The following CSMD1 variants were observed in gnomAD, a reference collection of about 807,000 sequenced individuals.
The protein encoded by CSMD1 is CUB and Sushi multiple domains 1.
Under a neutral mutation model 417.5 loss-of-function variants are expected in CSMD1, and 213 were observed. The observed-to-expected ratio is 0.51, with a 90% confidence interval of 0.46 to 0.57. CSMD1 has a LOEUF of 0.57. CSMD1 is among the 20% of genes least tolerant of loss of function. The pLI is 0.00. For missense variants in CSMD1, 6,923 were observed against 4,529.7 expected (o/e 1.53, Z -15.17); for synonymous variants, 2,862 against 1,736.8 (o/e 1.65, Z -16.11).
chr8:4,329,872 AC>A (rs1799771466), intron 3 of CSMD1, among the ~76,000 whole-genome samples: 1 of 151,334 alleles, frequency 6.6e-6, no homozygotes, highest in East Asian at 2.0e-4. Flanking sequence ...ACACACACAC[AC>A]AGACACACAC....
At chr8:4,461,566 T>G (rs1799821202) in intron 2 of CSMD1, among the ~76,000 whole-genome samples, 5 of 144,784 alleles carry the variant, frequency 3.5e-5, no homozygotes, top group Non-Finnish European at 6.0e-5. Context: ...GGGGGTGGGG[T>G]GTTGGGGGAT....
chr8:3,502,007 C>G (rs533877369), intron 10 of CSMD1, among the ~76,000 whole-genome samples: 1 of 152,068 alleles, frequency 6.6e-6, no homozygotes. Flanking sequence ...TTGGAAGATA[C>G]TTTGGAAGCT....
chr8:3,751,678 T>G (rs962766713), intron 6 of CSMD1, among the ~76,000 whole-genome samples: 1 of 151,970 alleles, frequency 6.6e-6, no homozygotes, highest in Non-Finnish European at 1.5e-5. Flanking sequence ...TACATCTAAG[T>G]GATTGCTATT....
intron 25 of CSMD1, among the ~76,000 whole-genome samples, chr8:3,288,512 C>G (rs1437649973): frequency 6.8e-6 from 1 of 147,096 alleles, no homozygotes; most frequent in African/African-American, 2.7e-5. Context: ...TCAACTTCTT[C>G]CTGGTTTAGT....
At chr8:4,751,645 T>C (rs1027416501) in intron 1 of CSMD1, among the ~76,000 whole-genome samples, 11 of 152,134 alleles carry the variant, frequency 7.2e-5, no homozygotes, top group African/African-American at 2.4e-4. Flanking sequence ...AATGCCACTA[T>C]CACCCTCAGT....
intron 9 of CSMD1, among the ~76,000 whole-genome samples, chr8:3,576,640 T>C (rs768339578): frequency 1.3e-5 from 2 of 152,224 alleles, no homozygotes; most frequent in Non-Finnish European, 2.9e-5. Flanking sequence ...AAAACATAAC[T>C]GGGTTTCCGA....
At chr8:4,035,035 G>C (rs894906714) in intron 3 of CSMD1, among the ~76,000 whole-genome samples, 1 of 152,116 alleles carries the variant, frequency 6.6e-6, no homozygotes, top group Non-Finnish European at 1.5e-5. Context: ...ATTAACTTTG[G>C]TATGAATAAT....
intron 54 of CSMD1, among the ~76,000 whole-genome samples, chr8:2,986,816 T>C (rs1463252055): frequency 1.3e-5 from 2 of 152,150 alleles, no homozygotes; most frequent in East Asian, 1.9e-4. Context: ...CTAGTTCATT[T>C]TTTACCAAAG....
intron 3 of CSMD1, among the ~76,000 whole-genome samples, chr8:4,041,649 C>G (rs546830697): frequency 6.6e-6 from 1 of 152,030 alleles, no homozygotes; most frequent in Non-Finnish European, 1.5e-5. Context: ...AAGAAGAAAA[C>G]TCAATCAATG....
intron 1 of CSMD1, among the ~76,000 whole-genome samples, chr8:4,691,041 G>C (rs1037618388): frequency 3.9e-5 from 6 of 151,970 alleles, no homozygotes; most frequent in Non-Finnish European, 7.4e-5. Flanking sequence ...TTATTTTTAC[G>C]CCGTGCTTTG....
rs139862732 is a variant in CSMD1 at position 3,389,721 on chromosome 8, T to C, written c.2594-2039A>G. ...AAACTAAACTTTTCCCACACAAAATTTACAGTGAAAAGAGACAAACTGCGG... is the reference window on the plus strand; with the variant it reads ...AAACTAAACTTTTCCCACACAAAATCTACAGTGAAAAGAGACAAACTGCGG... On this transcript the variant is annotated intron_variant, in intron 17 of 69. Coordinates refer to ENST00000635120, the MANE Select transcript of CSMD1 (RefSeq NM_033225.6). Among the ~76,000 whole-genome samples the C allele has an allele frequency of 2.4e-4, 37 of 152,142 alleles. 1 individual carries two copies. The highest frequency in any genetic ancestry group is 8.4e-4 in the African/African-American group (35 of 41,486).
intron 5 of CSMD1, among the ~76,000 whole-genome samples, chr8:3,808,428 C>T (rs930221802): frequency 6.6e-6 from 1 of 152,130 alleles, no homozygotes; most frequent in Non-Finnish European, 1.5e-5. Context: ...AACCAAAACT[C>T]ATTGGAATGA....
rs1554552766 is a variant in CSMD1 at position 3,439,309 on chromosome 8, AT to A, written c.1561+29402del. 2.7e-3 allele frequency among the ~76,000 whole-genome samples: 170 copies of A among 62,396 alleles called. 3 individuals are homozygous for A. Among genetic ancestry groups the A allele is most frequent in the African/African-American group, 5.5e-3 (82 of 15,024 alleles). 40.9% of individuals were successfully genotyped at this position (62,396 alleles called of 152,430 possible). ...TATATATATATATATATATATATAT[AT>A]TTTTTTTTTTAATATGTATTTTTAA... On this transcript the variant is annotated intron_variant, in intron 12 of 69. Transcript: ENST00000635120.
At chr8:4,402,800 C>CTTTTATTTTTTTTTTTTTTTTTTTTTT (rs1804733098) in intron 3 of CSMD1, among the ~76,000 whole-genome samples, 1 of 89,370 alleles carries the variant, frequency 1.1e-5, no homozygotes, top group African/African-American at 5.5e-5. Flanking sequence ...TCACTTTTTT[C>CTTTTATTTTTTTTTTTTTTTTTTTTTT]TTTTTTTTTT....
chr8:3,323,948 A>T (rs1426947760), intron 23 of CSMD1, among the ~76,000 whole-genome samples: 1 of 120,260 alleles, frequency 8.3e-6, no homozygotes, highest in South Asian at 3.0e-4. Flanking sequence ...GAGACCCAGG[A>T]GGGGGAGTTT....
At chr8:4,159,428 G>A (rs1255463710) in intron 3 of CSMD1, among the ~76,000 whole-genome samples, 3 of 152,280 alleles carry the variant, frequency 2.0e-5, no homozygotes, top group Admixed American at 6.5e-5. Context: ...AAAGGTATTT[G>A]CACATGAATG....
intron 23 of CSMD1, among the ~76,000 whole-genome samples, chr8:3,331,069 T>C (rs1172748647): frequency 1.3e-5 from 2 of 151,930 alleles, no homozygotes; most frequent in Non-Finnish European, 2.9e-5. Flanking sequence ...AAACCCCATC[T>C]CTACTAAAAA....
intron 2 of CSMD1, among the ~76,000 whole-genome samples, chr8:4,524,841 A>G (rs921000655): frequency 8.5e-5 from 13 of 152,144 alleles, no homozygotes; most frequent in Admixed American, 2.0e-4. Context: ...AACAATTTAT[A>G]TAATAAAAAT....
intron 3 of CSMD1, among the ~76,000 whole-genome samples, chr8:4,326,421 C>T (rs952522785): frequency 2.0e-5 from 3 of 152,022 alleles, no homozygotes; most frequent in Non-Finnish European, 4.4e-5. Context: ...ATGGGAAAAC[C>T]AATTAGGCAG....
Sources: gnomAD v4.1 joint callset for allele counts (sites outside exome capture counted in the v4.1 genomes callset) on GRCh38, gnomAD v4.1.1 for gene constraint, MANE v1.5 for transcripts, NCBI Gene and HGNC (gene_info 2026-07-23, HGNC 2026-07-21) for gene names.